CRYBG1: variants seen among roughly 807,000 people sequenced by gnomAD.
The protein encoded by CRYBG1 is beta/gamma crystallin domain-containing protein 1.
Under a neutral mutation model 189.2 loss-of-function variants are expected in CRYBG1, and 139 were observed. The observed-to-expected ratio is 0.73, with a 90% CI of 0.64 to 0.85. The LOEUF is 0.85. Ranked by LOEUF, CRYBG1 falls within the 40% of genes least tolerant of loss-of-function variation. CRYBG1 has a pLI of 0.00. For synonymous variants in CRYBG1, 1,023 were observed against 1,017.1 expected, an observed-to-expected ratio of 1.01 and a Z score of -0.11; for missense variants, 2,611 against 2,675.8, an observed-to-expected ratio of 0.98 and a Z score of 0.53.
intron 2 of CRYBG1, among the ~76,000 whole-genome samples, chr6:106,474,322 T>C (rs2114471319): frequency 6.6e-6 from 1 of 152,326 alleles, no homozygotes; most frequent in African/African-American, 2.4e-5. Flanking sequence ...TCAGCTTGCA[T>C]GACAGAGAAA....
intron 1 of CRYBG1, among the ~76,000 whole-genome samples, chr6:106,447,861 G>A (rs927151827): frequency 3.9e-5 from 6 of 152,192 alleles, no homozygotes; most frequent in Admixed American, 6.5e-5. Context: ...ACATGTCATG[G>A]AAGATCTAGA....
chr6:106,434,154 GA>G, intron 1 of CRYBG1, among the ~76,000 whole-genome samples: 1 of 25,866 alleles, frequency 3.9e-5, no homozygotes, highest in African/African-American at 5.3e-4. Context: ...CAGAGAGAAA[GA>G]GAGAGAGAGA....
chr6:106,380,042 C>T (rs6919090), intron 1 of CRYBG1, among the ~76,000 whole-genome samples: 37,836 of 152,058 alleles, frequency 0.25, 5,273 homozygotes, highest in Middle Eastern at 0.34. Context: ...TGAAATACAC[C>T]GTCTCTAGGG....
At chr6:106,408,505 C>T (rs1770865273) in intron 1 of CRYBG1, among the ~76,000 whole-genome samples, 1 of 152,172 alleles carries the variant, frequency 6.6e-6, no homozygotes, top group Non-Finnish European at 1.5e-5. Context: ...AGAGGGACTC[C>T]TCCCTAACTC....
Position 106,512,091 on chromosome 6 carries a change from C to T in CRYBG1, c.974C>T (p.Ser325Phe), listed in dbSNP as rs1384777423. The T allele has an allele frequency of 2.6e-6, 4 of 1,534,264 alleles. No individual in the cohort carries two copies. In the African/African-American group the frequency reaches 5.5e-5, roughly 21 times the overall value. The stretch of plus-strand genomic sequence containing the variant: ...CCCAGTGTGTGTGCCGAAGAAGGCT[C>T]CCTGGGGCCCCGCAACGCCCGCAGC... ...GAPSVCAEEG[S>F]LGPRNARSQP... The change falls in exon 3 of 22, where the codon TCC (serine) becomes TTC (phenylalanine). Residue 325 changes from serine to phenylalanine, a missense_variant. By Grantham distance (155) the Ser-to-Phe change is radical. Coordinates refer to ENST00000633556, the MANE Select transcript of CRYBG1 (RefSeq NM_001371242.2).
intron 2 of CRYBG1, among the ~76,000 whole-genome samples, chr6:106,496,781 G>T (rs1772860406): frequency 6.6e-6 from 1 of 152,196 alleles, no homozygotes; most frequent in South Asian, 2.1e-4. Flanking sequence ...ACAAGATAAA[G>T]ATACATGGCA....
At chr6:106,496,458 C>T (rs1456187238) in intron 2 of CRYBG1, among the ~76,000 whole-genome samples, 2 of 152,090 alleles carry the variant, frequency 1.3e-5, no homozygotes, top group Non-Finnish European at 2.9e-5. Context: ...CCCTAGAAAT[C>T]GTAACAGAAT....
At chr6:106,513,654 T>A (rs1773351920) in intron 3 of CRYBG1, among the ~76,000 whole-genome samples, 1 of 152,244 alleles carries the variant, frequency 6.6e-6, no homozygotes, top group Non-Finnish European at 1.5e-5. Flanking sequence ...AGTTTTCAGT[T>A]ACTGAAATAA....
intron 13 of CRYBG1, among the ~76,000 whole-genome samples, chr6:106,545,369 G>T (rs575092325): frequency 6.6e-6 from 1 of 152,182 alleles, no homozygotes; most frequent in Non-Finnish European, 1.5e-5. Context: ...TTCTATGTAC[G>T]TGGAGTTAGC....
At chr6:106,517,622 C>A (rs1004016761) in intron 3 of CRYBG1, among the ~76,000 whole-genome samples, 1 of 151,814 alleles carries the variant, frequency 6.6e-6, no homozygotes, top group African/African-American at 2.4e-5. Flanking sequence ...GAGTGGACAG[C>A]CCCATCCTCA....
At chr6:106,515,212 A>G (rs1773390951) in intron 3 of CRYBG1, among the ~76,000 whole-genome samples, 1 of 152,218 alleles carries the variant, frequency 6.6e-6, no homozygotes, top group Admixed American at 6.5e-5. Flanking sequence ...TTATAATATA[A>G]CTATGGCTTT....
chr6:106,512,682 T>G lies in CRYBG1; in HGVS notation c.1565T>G (p.Leu522Arg). The G allele has an allele frequency of 6.4e-7, 1 of 1,553,920 alleles. No homozygotes were observed. Among genetic ancestry groups the G allele is most frequent in the Non-Finnish European group, 8.7e-7 (1 of 1,149,998 alleles). Residue 522 changes from leucine (L) to arginine (R), a missense_variant, in exon 3 of 22, where the codon CTC (leucine) becomes CGC (arginine). Leu to Arg is a moderately radical substitution (Grantham distance 102). Transcript: ENST00000633556. The stretch of plus-strand genomic sequence containing the variant: ...AAGAGGAAGGGCAGGAGCCGTGCCC[T>G]CGAGGCCGTGCCCGCCCCGCCCGCC... ...PTKRKGRSRALEAVPAPPASG... is the reference protein window; with the variant it reads ...PTKRKGRSRAREAVPAPPASG...
At chr6:106,381,742 G>A (rs1430845221) in intron 1 of CRYBG1, among the ~76,000 whole-genome samples, 1 of 152,216 alleles carries the variant, frequency 6.6e-6, no homozygotes, top group African/African-American at 2.4e-5. Flanking sequence ...CCAGTCATTG[G>A]TTAAGGGCCG....
intron 2 of CRYBG1, among the ~76,000 whole-genome samples, chr6:106,465,186 G>A (rs1772087527): frequency 1.3e-5 from 2 of 152,044 alleles, no homozygotes; most frequent in South Asian, 2.1e-4. Flanking sequence ...TCTTCTCCAC[G>A]TGACCTTTTG....
At chr6:106,446,534 A>G (rs892850194) in intron 1 of CRYBG1, among the ~76,000 whole-genome samples, 8 of 152,230 alleles carry the variant, frequency 5.3e-5, no homozygotes, top group Admixed American at 5.2e-4. Context: ...CTTTTATGCT[A>G]CATTTTATTA....
chr6:106,520,197 G>T lies in CRYBG1; in HGVS notation c.2989G>T (p.Val997Phe), dbSNP rs1425785391. 4.3e-6 allele frequency: 7 copies of T among 1,614,016 alleles called. No individual in the cohort carries two copies. The Admixed American group carries it at 1.0e-4, about 23-fold the overall frequency. The change falls in exon 4 of 22, where the codon GTT (valine) becomes TTT (phenylalanine). Residue 997 changes from valine to phenylalanine, a missense_variant. Physicochemically the swap from Val to Phe is conservative, Grantham distance 50. Coordinates refer to ENST00000633556, the MANE Select transcript of CRYBG1 (RefSeq NM_001371242.2). ...TTGTCACAGTAATGAACCTGAAGTGGTTTCCGTTGCAAGTTGTGCTCCCCC... is the reference window on the plus strand; with the variant it reads ...TTGTCACAGTAATGAACCTGAAGTGTTTTCCGTTGCAAGTTGTGCTCCCCC... ...PTCHSNEPEV[V>F]SVASCAPPQE...
chr6:106,405,193 T>C (rs1223993865), intron 1 of CRYBG1, among the ~76,000 whole-genome samples: 1 of 151,956 alleles, frequency 6.6e-6, no homozygotes, highest in Non-Finnish European at 1.5e-5. Flanking sequence ...TCAAGCTTGG[T>C]GGGGGTAGGG....
intron 13 of CRYBG1, among the ~76,000 whole-genome samples, 164 bp from the exon 14 acceptor site, chr6:106,551,688 T>C (rs1411936320): frequency 6.6e-6 from 1 of 152,226 alleles, no homozygotes; most frequent in African/African-American, 2.4e-5. Context: ...ATTTGTCCTA[T>C]AGACAAACCC....
At chr6:106,442,970 T>G in intron 1 of CRYBG1, among the ~76,000 whole-genome samples, 1 of 152,182 alleles carries the variant, frequency 6.6e-6, no homozygotes, top group East Asian at 1.9e-4. Context: ...ATCTGTTGGT[T>G]TTCAAACCAG....
Sources: allele counts gnomAD v4.1 joint callset (sites outside exome capture counted in the v4.1 genomes callset), GRCh38; gene constraint gnomAD v4.1.1; transcripts MANE v1.5; gene names NCBI Gene and HGNC (gene_info 2026-07-23, HGNC 2026-07-21).